Variants in GPC6 observed in about 807,000 individuals in gnomAD.
GPC6 encodes the protein glypican 6, also known as glypican-6.
A neutral mutation model predicts 55.2 loss-of-function variants in GPC6; 14 were observed. The ratio of observed to expected loss-of-function variants is 0.25; its 90% CI spans 0.17 to 0.40. GPC6 has a LOEUF of 0.40. Among genes scored for constraint, GPC6 ranks in the 10% least tolerant of loss-of-function variants. The pLI, the probability that GPC6 is intolerant of heterozygous loss-of-function variation, is 1.00. For missense variants in GPC6, 641 were observed against 708.5 expected (o/e 0.90, Z 1.08); for synonymous variants, 278 against 259.6 (o/e 1.07, Z -0.68).
intron 3 of GPC6, among the ~76,000 whole-genome samples, chr13:93,893,320 G>A (rs1030582705): frequency 2.6e-5 from 4 of 152,068 alleles, no homozygotes; most frequent in Non-Finnish European, 5.9e-5. Context: ...CTCCCAAGGT[G>A]ATAGGATTTA....
chr13:93,559,079 T>A (rs1350856180), intron 2 of GPC6, among the ~76,000 whole-genome samples: 6 of 152,172 alleles, frequency 3.9e-5, no homozygotes, highest in Non-Finnish European at 8.8e-5. Flanking sequence ...TGTCCTATGC[T>A]ATTCTACTTT....
intron 2 of GPC6, among the ~76,000 whole-genome samples, chr13:93,829,439 T>G (rs9524248): frequency 6.6e-6 from 1 of 152,032 alleles, no homozygotes; most frequent in Non-Finnish European, 1.5e-5. Flanking sequence ...GTGTGCACTT[T>G]TTCATTTAGA....
intron 1 of GPC6, among the ~76,000 whole-genome samples, chr13:93,490,352 A>G (rs888607523): frequency 4.0e-5 from 6 of 151,224 alleles, no homozygotes; most frequent in African/African-American, 1.4e-4. Context: ...CACACTGCCA[A>G]GGCTTTTACA....
intron 1 of GPC6, among the ~76,000 whole-genome samples, chr13:93,439,136 T>A (rs1023801289): frequency 6.6e-6 from 1 of 152,170 alleles, no homozygotes; most frequent in Non-Finnish European, 1.5e-5. Context: ...TAAACATATC[T>A]TATATGCATT....
At chr13:93,749,370 T>C (rs1316875) in intron 2 of GPC6, among the ~76,000 whole-genome samples, 31,025 of 151,948 alleles carry the variant, frequency 0.2, 3,591 homozygotes, top group Middle Eastern at 0.36. Context: ...AGAAATTCAC[T>C]GCTTTCTACC....
In GPC6 at chr13:93,966,230, A is replaced by C. The variant is rs61091522; in HGVS notation, c.712-61499A>C. 8.9e-3 allele frequency among the ~76,000 whole-genome samples: 1,360 copies of C among 152,294 alleles called. 24 individuals carry two copies. The highest frequency in any genetic ancestry group is 0.031 in the African/African-American group (1,293 of 41,564). On this transcript the variant is annotated intron_variant, in intron 3 of 8. Transcript: ENST00000377047. ...CAGGCAAACCTGCTTACTCAAATCA[A>C]CTTGACATAATAGGAATAAGAATGT...
intron 4 of GPC6, among the ~76,000 whole-genome samples, chr13:94,188,392 C>A (rs1209524002): frequency 6.6e-6 from 1 of 152,138 alleles, no homozygotes; most frequent in Non-Finnish European, 1.5e-5. Context: ...TTCCTCTTGG[C>A]TGGTACCATC....
intron 2 of GPC6, among the ~76,000 whole-genome samples, chr13:93,740,042 G>C (rs934772832): frequency 1.3e-5 from 2 of 152,124 alleles, no homozygotes; most frequent in African/African-American, 4.8e-5. Context: ...AAATCATGGT[G>C]TTCCCCTTTA....
intron 3 of GPC6, among the ~76,000 whole-genome samples, chr13:93,922,450 C>T (rs1400636294): frequency 6.6e-6 from 1 of 152,156 alleles, no homozygotes; most frequent in East Asian, 1.9e-4. Flanking sequence ...AATTATACTA[C>T]ATATCTAAAT....
At chr13:93,791,045 CT>C (rs566523833) in intron 2 of GPC6, among the ~76,000 whole-genome samples, 118 of 152,276 alleles carry the variant, frequency 7.7e-4, no homozygotes, top group African/African-American at 2.5e-3. Context: ...ACCGTTCCCC[CT>C]ACCCCACCTA....
intron 5 of GPC6, among the ~76,000 whole-genome samples, chr13:94,300,326 C>T (rs1189602202): frequency 1.3e-5 from 2 of 152,062 alleles, no homozygotes; most frequent in Non-Finnish European, 2.9e-5. Flanking sequence ...AGAGTGGGCA[C>T]CTTAGTTTAT....
At chr13:94,202,491 A>T (rs1889783683) in intron 4 of GPC6, among the ~76,000 whole-genome samples, 2 of 152,322 alleles carry the variant, frequency 1.3e-5, no homozygotes, top group African/African-American at 4.8e-5. Context: ...ACGCCTTATA[A>T]AACCATCAGA....
intron 4 of GPC6, among the ~76,000 whole-genome samples, chr13:94,227,972 C>T (rs1890609978): frequency 6.6e-6 from 1 of 152,170 alleles, no homozygotes; most frequent in African/African-American, 2.4e-5. Flanking sequence ...GAAGTACAGT[C>T]CAACAACATG....
At chr13:93,865,653 C>T (rs1005903443) in intron 3 of GPC6, among the ~76,000 whole-genome samples, 2 of 151,724 alleles carry the variant, frequency 1.3e-5, no homozygotes, top group African/African-American at 4.8e-5. Context: ...TATTTACCTT[C>T]TCTCATCAAG....
At chr13:94,321,215 C>A (rs534243081) in intron 6 of GPC6, among the ~76,000 whole-genome samples, 1 of 152,282 alleles carries the variant, frequency 6.6e-6, no homozygotes, top group Non-Finnish European at 1.5e-5. Context: ...TAGTGGCCTC[C>A]AGTTCTATCC....
At chr13:94,092,014 G>T (rs183221986) in intron 4 of GPC6, among the ~76,000 whole-genome samples, 1 of 149,636 alleles carries the variant, frequency 6.7e-6, no homozygotes. Context: ...ATATATTTGC[G>T]GTGTAAAATG....
intron 4 of GPC6, among the ~76,000 whole-genome samples, chr13:94,186,059 C>CAAAAA (rs776003680): frequency 0.24 from 15,111 of 62,816 alleles, 3,535 homozygotes; most frequent in African/African-American, 0.36. Flanking sequence ...GACTCCGTCT[C>CAAAAA]CAAAAAAAAA....
chr13:94,033,200 A>C (rs1046971717), intron 4 of GPC6, among the ~76,000 whole-genome samples: 2 of 152,214 alleles, frequency 1.3e-5, no homozygotes, highest in Non-Finnish European at 2.9e-5. Flanking sequence ...TAAAAATCAC[A>C]TATCCCTGTT....
chr13:93,658,274 T>C (rs991829630), intron 2 of GPC6, among the ~76,000 whole-genome samples: 1 of 152,018 alleles, frequency 6.6e-6, no homozygotes, highest in South Asian at 2.1e-4. Flanking sequence ...TTTTTGCCTA[T>C]TCATATAACT....
Sources: allele counts gnomAD v4.1 joint callset (sites outside exome capture counted in the v4.1 genomes callset), GRCh38; gene constraint gnomAD v4.1.1; transcripts MANE v1.5; gene names NCBI Gene and HGNC (gene_info 2026-07-23, HGNC 2026-07-21).